Variants in POU6F2 observed in about 807,000 individuals in gnomAD.
The protein encoded by POU6F2 is POU domain, class 6, transcription factor 2.
A neutral mutation model predicts 71.3 loss-of-function variants in POU6F2; 31 were observed. The ratio of observed to expected loss-of-function variants is 0.43; its 90% CI spans 0.33 to 0.59. POU6F2 has a LOEUF of 0.59. Ranked by LOEUF, POU6F2 falls within the 20% of genes least tolerant of loss-of-function variation. POU6F2 has a pLI of 0.04. For synonymous variants in POU6F2, 347 were observed against 355.7 expected (o/e 0.98, Z 0.27); for missense variants, 783 against 856.8 (o/e 0.91, Z 1.07).
In POU6F2 at chr7:39,297,787, G is replaced by T. The variant is rs1320527151; in HGVS notation, c.599-41855G>T. 2.7e-5 allele frequency among the ~76,000 whole-genome samples: 4 copies of T among 149,484 alleles called. No homozygotes were observed. In the East Asian group the frequency reaches 7.7e-4, roughly 29 times the overall value. ...AGGCTACAGTAACCAAAACAGCATGGTACTGGTACCAAAACAGACATACAG... is the reference window on the plus strand; with the variant it reads ...AGGCTACAGTAACCAAAACAGCATGTTACTGGTACCAAAACAGACATACAG... On this transcript the variant is annotated intron_variant, in intron 4 of 9. Coordinates refer to ENST00000518318, the MANE Select transcript of POU6F2 (RefSeq NM_001370959.1).
intron 6 of POU6F2, among the ~76,000 whole-genome samples, chr7:39,428,830 C>A (rs976147250): frequency 5.9e-5 from 9 of 151,928 alleles, no homozygotes. Context: ...GTGGATGAAG[C>A]TGGAAACCAT....
intron 5 of POU6F2, chr7:39,373,629 T>C: frequency 2.4e-6 from 1 of 417,502 alleles, no homozygotes; most frequent in Admixed American, 2.7e-5. Context: ...GGAGAAGCAA[T>C]AATTTTACAA....
At chr7:39,285,162 A>G (rs529376897) in intron 4 of POU6F2, among the ~76,000 whole-genome samples, 3 of 152,162 alleles carry the variant, frequency 2.0e-5, no homozygotes, top group Non-Finnish European at 4.4e-5. Context: ...ATTTTTTTCT[A>G]ATTTGTCACA....
intron 1 of POU6F2, among the ~76,000 whole-genome samples, chr7:39,056,662 C>CTCTCTGTGTGTGTGTG (rs1554313685): frequency 8.8e-6 from 1 of 113,330 alleles, no homozygotes; most frequent in African/African-American, 3.7e-5. Flanking sequence ...CTCTCTCTCT[C>CTCTCTGTGTGTGTGTG]TGTGTGTGTG....
At chr7:39,162,441 A>G (rs1562728861) in intron 2 of POU6F2, among the ~76,000 whole-genome samples, 1 of 152,230 alleles carries the variant, frequency 6.6e-6, no homozygotes. Context: ...ACATCTTCCA[A>G]AACGGTCTAT....
intron 1 of POU6F2, among the ~76,000 whole-genome samples, chr7:39,023,544 C>T (rs1006844255): frequency 1.3e-5 from 2 of 151,984 alleles, no homozygotes; most frequent in Non-Finnish European, 2.9e-5. Flanking sequence ...GACAGTCTCC[C>T]TACAATGTAG....
At chr7:39,204,432 G>A (rs1793965768) in intron 3 of POU6F2, 106 bp downstream of exon 3, 2 of 848,514 alleles carry the variant, frequency 2.4e-6, no homozygotes, top group South Asian at 2.8e-5. Flanking sequence ...CTCCAACAGA[G>A]CAAAGATGGT....
At chr7:39,233,730 C>T (rs1794620323) in intron 4 of POU6F2, among the ~76,000 whole-genome samples, 1 of 152,176 alleles carries the variant, frequency 6.6e-6, no homozygotes, top group Non-Finnish European at 1.5e-5. Flanking sequence ...GAATGCCACC[C>T]CCCAACACAC....
intron 1 of POU6F2, among the ~76,000 whole-genome samples, chr7:39,057,088 C>T (rs375073904): frequency 8.5e-5 from 13 of 152,064 alleles, no homozygotes; most frequent in African/African-American, 3.1e-4. Flanking sequence ...ATTTTCTGAG[C>T]TCTGAGGTTG....
chr7:39,130,172 GTGTGTGTGTT>G (rs1318837258), intron 2 of POU6F2, among the ~76,000 whole-genome samples: 1 of 150,826 alleles, frequency 6.6e-6, no homozygotes, highest in Admixed American at 6.6e-5. Flanking sequence ...GTGTGTGTGT[GTGTGTGTGTT>G]TTAATGTCTT....
At chr7:39,054,053 G>A (rs1006839642) in intron 1 of POU6F2, among the ~76,000 whole-genome samples, 1 of 151,640 alleles carries the variant, frequency 6.6e-6, no homozygotes, top group African/African-American at 2.4e-5. Context: ...AGTGAGCCGA[G>A]ATCATGCCTC....
intron 2 of POU6F2, among the ~76,000 whole-genome samples, chr7:39,194,323 G>C (rs746410463): frequency 1.7e-4 from 26 of 152,246 alleles, no homozygotes; most frequent in Non-Finnish European, 3.4e-4. Context: ...TTGAGATCGA[G>C]AACACATCCT....
chr7:39,202,061 T>C (rs1345180539), intron 2 of POU6F2, among the ~76,000 whole-genome samples: 1 of 152,226 alleles, frequency 6.6e-6, no homozygotes, highest in Non-Finnish European at 1.5e-5. Flanking sequence ...TGCCCTGGAC[T>C]GCACTGAACG....
chr7:39,407,150 G>C (rs574033849), intron 6 of POU6F2, among the ~76,000 whole-genome samples: 2 of 151,932 alleles, frequency 1.3e-5, no homozygotes, highest in Non-Finnish European at 2.9e-5. Context: ...TTCCATAATT[G>C]CTGTGAGAGA....
At chr7:39,189,979 G>A (rs763338021) in intron 2 of POU6F2, among the ~76,000 whole-genome samples, 5 of 150,550 alleles carry the variant, frequency 3.3e-5, no homozygotes, top group Non-Finnish European at 5.9e-5. Flanking sequence ...CCAAAGCCCC[G>A]ACTGCCCAAG....
chr7:39,163,164 T>C (rs1793033879), intron 2 of POU6F2, among the ~76,000 whole-genome samples: 1 of 152,202 alleles, frequency 6.6e-6, no homozygotes, highest in African/African-American at 2.4e-5. Flanking sequence ...CTGATCTACC[T>C]AAGGAAGTTT....
intron 4 of POU6F2, among the ~76,000 whole-genome samples, chr7:39,249,003 A>G (rs529031164): frequency 4.0e-4 from 61 of 152,308 alleles, no homozygotes; most frequent in African/African-American, 1.4e-3. Flanking sequence ...CCCTGTGACA[A>G]TGACTCATTT....
intron 1 of POU6F2, among the ~76,000 whole-genome samples, chr7:39,050,687 A>G (rs7802955): frequency 0.082 from 12,469 of 152,168 alleles, 1,053 homozygotes; most frequent in African/African-American, 0.21. Flanking sequence ...GGGATTGTCC[A>G]ACTACTGCTC....
intron 4 of POU6F2, among the ~76,000 whole-genome samples, chr7:39,315,812 C>T (rs943382391): frequency 4.6e-5 from 7 of 152,194 alleles, no homozygotes; most frequent in African/African-American, 1.2e-4. Context: ...ACTTTACATG[C>T]ACAACTTTAC....
Sources: gnomAD v4.1 joint callset for allele counts (sites outside exome capture counted in the v4.1 genomes callset) on GRCh38, gnomAD v4.1.1 for gene constraint, MANE v1.5 for transcripts, NCBI Gene and HGNC (gene_info 2026-07-23, HGNC 2026-07-21) for gene names.